The following NRG3 variants were observed in gnomAD, a reference collection of about 807,000 sequenced individuals.
The protein encoded by NRG3 is pro-neuregulin-3, membrane-bound isoform.
In NRG3, 31 loss-of-function variants were observed where a neutral mutation model predicts 66.9. The observed-to-expected ratio is 0.46, with a 90% CI of 0.35 to 0.63. The LOEUF is 0.63. NRG3 is among the 20% of genes least tolerant of loss of function. The pLI is 0.00. For missense variants in NRG3, 910 were observed against 878.9 expected, an observed-to-expected ratio of 1.04 and a Z score of -0.45; for synonymous variants, 393 against 359.4, an observed-to-expected ratio of 1.09 and a Z score of -1.06.
At chr10:82,240,942 T>G (rs2076981321) in intron 1 of NRG3, among the ~76,000 whole-genome samples, 1 of 152,146 alleles carries the variant, frequency 6.6e-6, no homozygotes, top group African/African-American at 2.4e-5. Flanking sequence ...TGTTTTATTC[T>G]TATAATTTTG....
chr10:82,518,886 T>C (rs1252795002), intron 2 of NRG3, among the ~76,000 whole-genome samples: 1 of 152,150 alleles, frequency 6.6e-6, no homozygotes, highest in Non-Finnish European at 1.5e-5. Context: ...AGTTCAGAAA[T>C]TAATGCCTCT....
chr10:82,048,359 C>T (rs1185776933), intron 1 of NRG3, among the ~76,000 whole-genome samples: 1 of 151,992 alleles, frequency 6.6e-6, no homozygotes, highest in Admixed American at 6.6e-5. Flanking sequence ...GTAAAGCTCT[C>T]CTCAGCAAAC....
intron 1 of NRG3, among the ~76,000 whole-genome samples, chr10:82,212,355 G>A (rs2075439628): frequency 6.6e-6 from 1 of 152,172 alleles, no homozygotes; most frequent in South Asian, 2.1e-4. Context: ...AAAGCAAATA[G>A]TAGCACTCAA....
intron 1 of NRG3, among the ~76,000 whole-genome samples, chr10:82,286,775 A>G (rs1482916229): frequency 3.3e-5 from 5 of 152,034 alleles, no homozygotes; most frequent in African/African-American, 1.2e-4. Context: ...TTTAGTAGAG[A>G]TGGGGTTTCA....
chr10:82,775,331 T>A (rs1214783145), intron 3 of NRG3, among the ~76,000 whole-genome samples: 1 of 152,122 alleles, frequency 6.6e-6, no homozygotes, highest in East Asian at 1.9e-4. Context: ...CTCAATAATT[T>A]TTTGTTAAAT....
chr10:82,819,883 G>A (rs925194015), intron 3 of NRG3, among the ~76,000 whole-genome samples: 2 of 152,164 alleles, frequency 1.3e-5, no homozygotes, highest in African/African-American at 4.8e-5. Context: ...TTGCAAATGA[G>A]GGCATTAGTG....
intron 2 of NRG3, among the ~76,000 whole-genome samples, chr10:82,628,501 AG>A (rs912304109): frequency 7.9e-5 from 12 of 152,082 alleles, no homozygotes; most frequent in African/African-American, 2.9e-4. Flanking sequence ...GTGGCCACAG[AG>A]TTTGCTCAAG....
At chr10:82,882,511 G>T (rs1487240180) in intron 4 of NRG3, among the ~76,000 whole-genome samples, 1 of 152,182 alleles carries the variant, frequency 6.6e-6, no homozygotes, top group Non-Finnish European at 1.5e-5. Flanking sequence ...TGCTCAAAAA[G>T]GATGGTGGAG....
chr10:82,826,919 A>G (rs533852522), intron 3 of NRG3, among the ~76,000 whole-genome samples: 2 of 151,256 alleles, frequency 1.3e-5, no homozygotes, highest in East Asian at 1.9e-4. Flanking sequence ...ATAAATGTTG[A>G]AAAAAAAAGC....
intron 1 of NRG3, among the ~76,000 whole-genome samples, chr10:81,906,412 A>G (rs1276941019): frequency 6.6e-6 from 1 of 152,152 alleles, no homozygotes; most frequent in Non-Finnish European, 1.5e-5. Context: ...ACTATTTTAA[A>G]TAGAGTGCTT....
At chr10:82,872,061 TTCA>T (rs1409502264) in intron 4 of NRG3, among the ~76,000 whole-genome samples, 2 of 152,176 alleles carry the variant, frequency 1.3e-5, no homozygotes, top group Non-Finnish European at 2.9e-5. Flanking sequence ...GTAGATATTC[TTCA>T]TCAAGTTGAG....
At chr10:82,470,263 G>A (rs900208074) in intron 2 of NRG3, among the ~76,000 whole-genome samples, 7 of 152,312 alleles carry the variant, frequency 4.6e-5, no homozygotes, top group African/African-American at 1.7e-4. Context: ...AAGAAACTTG[G>A]TAGAAATCGC....
chr10:82,717,851 C>CT (rs57465728), intron 2 of NRG3, among the ~76,000 whole-genome samples: 15,662 of 143,952 alleles, frequency 0.11, 1,176 homozygotes, highest in African/African-American at 0.22. Flanking sequence ...ATTGAAAAGT[C>CT]TTTTTTTTTT....
At chr10:82,578,604 T>C (rs1311279260) in intron 2 of NRG3, among the ~76,000 whole-genome samples, 2 of 151,650 alleles carry the variant, frequency 1.3e-5, no homozygotes, top group African/African-American at 4.8e-5. Context: ...TTTAAACAGC[T>C]CAAGGTGAGG....
chr10:82,969,241 G>C (rs987054324), intron 6 of NRG3, among the ~76,000 whole-genome samples: 1 of 152,060 alleles, frequency 6.6e-6, no homozygotes, highest in Non-Finnish European at 1.5e-5. Flanking sequence ...TAGGCACCTA[G>C]GTTTTTCTTG....
At chr10:82,864,139 G>C (rs1018660388) in intron 3 of NRG3, among the ~76,000 whole-genome samples, 5 of 152,066 alleles carry the variant, frequency 3.3e-5, no homozygotes, top group African/African-American at 1.2e-4. Flanking sequence ...CAGAGTTTCT[G>C]ATTGGGGTGA....
chr10:82,154,223 T>G (rs527950413), intron 1 of NRG3, among the ~76,000 whole-genome samples: 1 of 152,072 alleles, frequency 6.6e-6, no homozygotes, highest in African/African-American at 2.4e-5. Context: ...TTTAAGTCTT[T>G]AATTCACTTT....
intron 1 of NRG3, among the ~76,000 whole-genome samples, chr10:82,267,738 G>A (rs1048853836): frequency 1.3e-5 from 2 of 152,138 alleles, no homozygotes; most frequent in East Asian, 1.9e-4. Context: ...TTAGATTTGC[G>A]TCCTAATGGA....
At chr10:82,895,711 C>T (rs1244560031) in intron 4 of NRG3, among the ~76,000 whole-genome samples, 2 of 151,990 alleles carry the variant, frequency 1.3e-5, no homozygotes, top group African/African-American at 2.4e-5. Context: ...AGGATGGTCT[C>T]GATCTCCTCA....
Sources: allele counts gnomAD v4.1 joint callset (sites outside exome capture counted in the v4.1 genomes callset), GRCh38; gene constraint gnomAD v4.1.1; transcripts MANE v1.5; gene names NCBI Gene and HGNC (gene_info 2026-07-23, HGNC 2026-07-21).